Variants in MAP3K5 observed in about 807,000 individuals in gnomAD.
MAP3K5 encodes mitogen-activated protein kinase kinase kinase 5, also known as ASK-1.
A neutral mutation model predicts 158.7 loss-of-function variants in MAP3K5; 56 were observed. The ratio of observed to expected loss-of-function variants is 0.35; its 90% CI spans 0.28 to 0.44. The LOEUF (loss-of-function observed/expected upper bound fraction) is 0.44. Among genes scored for constraint, MAP3K5 ranks in the 20% least tolerant of loss-of-function variants. The pLI, the probability that MAP3K5 is intolerant of heterozygous loss-of-function variation, is 1.00. For missense variants in MAP3K5, 1,294 were observed against 1,674.8 expected (o/e 0.77, Z 3.97); for synonymous variants, 579 against 601.7 (o/e 0.96, Z 0.55).
intron 1 of MAP3K5, among the ~76,000 whole-genome samples, chr6:136,747,068 C>T (rs1019616627): frequency 1.3e-4 from 20 of 152,090 alleles, no homozygotes; most frequent in South Asian, 2.1e-4. Flanking sequence ...ATTATAAGCA[C>T]GCGCCACCAT....
intron 11 of MAP3K5, among the ~76,000 whole-genome samples, chr6:136,643,606 T>G (rs764016897): frequency 6.6e-6 from 1 of 152,180 alleles, no homozygotes; most frequent in Non-Finnish European, 1.5e-5. Context: ...CTACAGCCCA[T>G]AATTCTTTGC....
At chr6:136,658,313 CTTTT>C (rs57535051) in intron 9 of MAP3K5, among the ~76,000 whole-genome samples, 5 of 90,482 alleles carry the variant, frequency 5.5e-5, no homozygotes, top group Admixed American at 1.5e-4. Context: ...TTCTTTCTTT[CTTTT>C]TTTTTTTTTT....
intron 25 of MAP3K5, among the ~76,000 whole-genome samples, chr6:136,578,909 G>A (rs180857584): frequency 6.9e-4 from 104 of 151,464 alleles, no homozygotes; most frequent in Admixed American, 1.1e-3. Context: ...AGCAGCTCAC[G>A]CCTGTAATCA....
chr6:136,650,857 C>T, intron 11 of MAP3K5, 127 bp downstream of exon 11: 2 of 520,978 alleles, frequency 3.8e-6, no homozygotes, highest in South Asian at 3.1e-5. Flanking sequence ...GCATTTATGC[C>T]AAGACAGACA....
At chr6:136,722,247 T>C (rs1198940995) in intron 1 of MAP3K5, among the ~76,000 whole-genome samples, 1 of 152,168 alleles carries the variant, frequency 6.6e-6, no homozygotes, top group East Asian at 1.9e-4. Flanking sequence ...TCCTTTGCAA[T>C]TGCAATAAAC....
intron 19 of MAP3K5, 151 bp from the exon 20 acceptor site, chr6:136,602,130 G>C (rs1199280685): frequency 1.6e-6 from 1 of 639,176 alleles, no homozygotes; most frequent in South Asian, 2.0e-5. Context: ...GATAAGATGT[G>C]TTTGCTGCAG....
intron 25 of MAP3K5, among the ~76,000 whole-genome samples, chr6:136,569,716 G>A (rs777674076): frequency 3.0e-4 from 45 of 152,212 alleles, no homozygotes; most frequent in African/African-American, 9.9e-4. Context: ...CAGGACCTCC[G>A]GAAGCTCTGT....
Position 136,696,044 on chromosome 6 carries a change from A to G in MAP3K5, c.989T>C (p.Ile330Thr), listed in dbSNP as rs1780588361. ...TTCTAAAGTCTCTACCAGCTTCACAATAGAATCATAGTCCTTTCAAATTAG... is the reference window on the plus strand; with the variant it reads ...TTCTAAAGTCTCTACCAGCTTCACAGTAGAATCATAGTCCTTTCAAATTAG... ...SYRDIQDYDS[I>T]VKLVETLEKL... Residue 330 changes from isoleucine (I) to threonine (T), a missense_variant, in exon 6 of 30, where the codon ATT becomes ACT. By Grantham distance (89) the Ile-to-Thr change is moderately conservative. This residue lies in a region of MAP3K5 where 690 missense variants were observed against 870.5 expected (regional missense o/e 0.79). Coordinates refer to ENST00000359015, the MANE Select transcript of MAP3K5 (RefSeq NM_005923.4). The G allele has an allele frequency of 6.2e-7, 1 of 1,601,074 alleles. No individual in the cohort carries two copies. Among genetic ancestry groups the G allele is most frequent in the Non-Finnish European group, 8.6e-7 (1 of 1,168,416 alleles).
At chr6:136,767,580 A>T (rs1784017168) in intron 1 of MAP3K5, among the ~76,000 whole-genome samples, 1 of 152,064 alleles carries the variant, frequency 6.6e-6, no homozygotes, top group Non-Finnish European at 1.5e-5. Context: ...AAATCAAGAA[A>T]TGTAAATGAA....
chr6:136,586,499 G>A (rs946959364), intron 23 of MAP3K5, among the ~76,000 whole-genome samples: 1 of 152,072 alleles, frequency 6.6e-6, no homozygotes, highest in African/African-American at 2.4e-5. Context: ...TTTCTGTTCT[G>A]ACTCCAGTCT....
rs1265506427 is a variant in MAP3K5 at position 136,698,625 on chromosome 6, A to T, written c.670T>A (p.Tyr224Asn). 1 of 1,614,050 alleles carries T rather than the reference A, an allele frequency of 6.2e-7. No homozygotes were observed. The highest frequency in any genetic ancestry group is 8.5e-7 in the Non-Finnish European group (1 of 1,179,966). ...TTCATGAAGCTGCTGTCACAGCAGT[A>T]GACTTTGTTATGTGGAGTTATCATG... ...PYMITPHNKV[Y>N]CCDSSFMKGL... is the part of the protein sequence containing the mutation. The change falls in exon 4 of 30, where the codon TAC becomes AAC. Residue 224 changes from tyrosine to asparagine, a missense_variant. Physicochemically the swap from Tyr to Asn is moderately radical, Grantham distance 143. This residue lies in a region of MAP3K5 where 690 missense variants were observed against 870.5 expected (regional missense o/e 0.79). Coordinates refer to ENST00000359015, the MANE Select transcript of MAP3K5 (RefSeq NM_005923.4).
chr6:136,643,244 C>T (rs564870064), intron 11 of MAP3K5, among the ~76,000 whole-genome samples: 2 of 152,204 alleles, frequency 1.3e-5, no homozygotes, highest in South Asian at 4.1e-4. Context: ...GAGTTTATCA[C>T]TAAAGCTAAG....
Position 136,656,853 on chromosome 6 carries a change from C to T in MAP3K5, c.1527-393G>A, listed in dbSNP as rs147281979. Among the ~76,000 whole-genome samples the T allele has an allele frequency of 4.8e-3, 728 of 152,274 alleles. 2 individuals carry two copies. The highest frequency in any genetic ancestry group is 0.016 in the African/African-American group (676 of 41,562). On this transcript the variant is annotated intron_variant, in intron 9 of 29. Coordinates refer to ENST00000359015, the MANE Select transcript of MAP3K5 (RefSeq NM_005923.4). The stretch of plus-strand genomic sequence containing the variant: ...GCCAGGCTGGTCTCGAACTCCTGAC[C>T]TCAAGTGATCCACCTGCCTCGGCCT...
chr6:136,750,222 C>T (rs1345673052), intron 1 of MAP3K5, among the ~76,000 whole-genome samples: 3 of 152,114 alleles, frequency 2.0e-5, no homozygotes, highest in Admixed American at 6.5e-5. Context: ...GGATTACAGG[C>T]GTGCACGAGC....
intron 1 of MAP3K5, among the ~76,000 whole-genome samples, chr6:136,791,381 C>G (rs1785066366): frequency 6.6e-6 from 1 of 152,066 alleles, no homozygotes; most frequent in Non-Finnish European, 1.5e-5. Context: ...GAAGCGAAAC[C>G]GAGACACTGA....
chr6:136,721,145 AC>A (rs1781731921), intron 1 of MAP3K5, among the ~76,000 whole-genome samples: 1 of 152,064 alleles, frequency 6.6e-6, no homozygotes, highest in Non-Finnish European at 1.5e-5. Flanking sequence ...AGAATTTGCA[AC>A]GGTGGGAAGC....
chr6:136,611,248 A>ACATAAGAT (rs1354715077), intron 18 of MAP3K5, 34 bp downstream of exon 18: 1 of 1,308,044 alleles, frequency 7.6e-7, no homozygotes, highest in East Asian at 2.3e-5. Context: ...TTCTTTAATT[A>ACATAAGAT]CATAAGATCT....
At chr6:136,653,477 G>A (rs1213567542) in intron 10 of MAP3K5, among the ~76,000 whole-genome samples, 3 of 152,150 alleles carry the variant, frequency 2.0e-5, no homozygotes, top group Non-Finnish European at 2.9e-5. Context: ...TGTGAGCCAC[G>A]GAAGATGCTA....
rs528490006 is a variant in MAP3K5, at chr6:136,607,619, A to T, written c.2522-2253T>A. On this transcript the variant is annotated intron_variant, in intron 18 of 29. Transcript: ENST00000359015. ...CATATCTGCATTCTAAAGTTTTTTT[A>T]AAAAATTGCTTTGAAATATCTATTG... 2.0e-4 allele frequency among the ~76,000 whole-genome samples: 30 copies of T among 152,278 alleles called. 1 individual carries two copies. Among genetic ancestry groups the T allele is most frequent in the South Asian group, 8.3e-4 (4 of 4,822 alleles).
Sources: allele counts gnomAD v4.1 joint callset (sites outside exome capture counted in the v4.1 genomes callset), GRCh38; gene constraint gnomAD v4.1.1; regional missense constraint gnomAD v4.1.1; transcripts MANE v1.5; gene names NCBI Gene and HGNC (gene_info 2026-07-23, HGNC 2026-07-21).